The following MACF1 variants were observed in gnomAD, a reference collection of about 807,000 sequenced individuals.
The protein encoded by MACF1 is microtubule actin crosslinking factor 1.
In MACF1, 193 loss-of-function variants were observed where a neutral mutation model predicts 854.8. The observed-to-expected ratio is 0.23, with a 90% CI of 0.20 to 0.25. The LOEUF is 0.25. MACF1 is among the 10% of genes least tolerant of loss of function. The pLI is 1.00. For missense variants in MACF1, 7,722 were observed against 8,929.1 expected (o/e 0.86, Z 5.45); for synonymous variants, 3,185 against 3,226.7 (o/e 0.99, Z 0.44).
chr1:39,422,656 A>G, intron 59 of MACF1, 74 bp from the exon 60 acceptor site: 1 of 1,553,426 alleles, frequency 6.4e-7, no homozygotes, highest in African/African-American at 1.4e-5. Flanking sequence ...ATCTATAATT[A>G]CTAAAAGAGG....
intron 2 of MACF1, among the ~76,000 whole-genome samples, chr1:39,134,658 T>A (rs1318505738): frequency 2.0e-5 from 3 of 152,142 alleles, no homozygotes; most frequent in Admixed American, 1.3e-4. Context: ...TCTTGCAGGG[T>A]TTTTGTAAAG....
At chr1:39,294,213 T>TA (rs1307329192) in intron 18 of MACF1, among the ~76,000 whole-genome samples, 1 of 152,230 alleles carries the variant, frequency 6.6e-6, no homozygotes, top group Admixed American at 6.5e-5. Flanking sequence ...TCTTCGTTTG[T>TA]AAAAATGGGA....
At chr1:39,097,153 A>G (rs1451803561) in intron 2 of MACF1, among the ~76,000 whole-genome samples, 12 of 152,010 alleles carry the variant, frequency 7.9e-5, no homozygotes, top group Admixed American at 7.9e-4. Flanking sequence ...CTGGGATTAC[A>G]GGTGTGAGCC....
intron 2 of MACF1, among the ~76,000 whole-genome samples, chr1:39,085,469 CAA>C (rs1641648149): frequency 6.6e-6 from 1 of 152,144 alleles, no homozygotes; most frequent in African/African-American, 2.4e-5. Context: ...TTGTGTCCCT[CAA>C]ATAATACAGC....
At position 39,370,016 on chromosome 1, in the gene MACF1, T is replaced by A. The variant is rs1174077104; in HGVS notation, c.12939-14T>A. The stretch of plus-strand genomic sequence containing the variant: ...AACTTAGTCTGGCAAGTAACAAAAC[T>A]GCTTCATTGACAGAGAGAAAGATGC... On this transcript the variant is annotated splice_polypyrimidine_tract_variant and intron_variant, in intron 50 of 100. Coordinates refer to ENST00000564288, the MANE Select transcript of MACF1 (RefSeq NM_001394062.1). The A allele has an allele frequency of 6.2e-7, 1 of 1,604,424 alleles. No individual in the cohort carries two copies. Among genetic ancestry groups the A allele is most frequent in the Admixed American group, 1.7e-5 (1 of 57,892 alleles).
chr1:39,204,900 A>C lies in MACF1; in HGVS notation c.-123A>C, dbSNP rs1644432713. ...AAGCTGCCAGGAAGTTTCTGACAAC[A>C]CTAAGCTCCGGCCTCTGCCTCTGCT... On this transcript the variant is annotated 5_prime_UTR_variant, in exon 1 of 101. Coordinates refer to ENST00000564288, the MANE Select transcript of MACF1 (RefSeq NM_001394062.1). The C allele has an allele frequency of 1.6e-6, 1 of 627,754 alleles. No individual in the cohort carries two copies. Among genetic ancestry groups the C allele is most frequent in the African/African-American group, 1.8e-5 (1 of 54,700 alleles). The allele number at this position is 627,754 out of a possible 1,614,324, so 38.9% of individuals were successfully genotyped here.
chr1:39,445,746 A>G (rs2148670872), intron 80 of MACF1, among the ~76,000 whole-genome samples: 1 of 152,198 alleles, frequency 6.6e-6, no homozygotes, highest in Non-Finnish European at 1.5e-5. Context: ...ATTGCTTAAC[A>G]CCAGGAGTTT....
intron 52 of MACF1, 80 bp downstream of exon 52, chr1:39,372,676 T>TA (rs1238997236): frequency 2.2e-6 from 2 of 921,744 alleles, no homozygotes; most frequent in Non-Finnish European, 3.5e-6. Flanking sequence ...CTTATATAAT[T>TA]AAAGTGAAAA....
chr1:39,232,763 T>TG (rs1207845113), intron 2 of MACF1, among the ~76,000 whole-genome samples: 8 of 147,200 alleles, frequency 5.4e-5, no homozygotes, highest in Non-Finnish European at 1.2e-4. Context: ...TTTTTTTTTT[T>TG]TTTTTGTTTG....
chr1:39,098,400 T>C (rs968238613), intron 2 of MACF1, among the ~76,000 whole-genome samples: 9 of 152,350 alleles, frequency 5.9e-5, no homozygotes, highest in Admixed American at 3.9e-4. Flanking sequence ...TGGTGCTAGC[T>C]CTGCCTAGGG....
intron 22 of MACF1, among the ~76,000 whole-genome samples, chr1:39,301,129 A>T (rs909758097): frequency 6.6e-6 from 1 of 151,966 alleles, no homozygotes; most frequent in East Asian, 1.9e-4. Flanking sequence ...AATTTTATTT[A>T]TTTATTTATT....
At chr1:39,272,364 A>G (rs1255645612) in intron 6 of MACF1, among the ~76,000 whole-genome samples, 1 of 152,210 alleles carries the variant, frequency 6.6e-6, no homozygotes, top group Non-Finnish European at 1.5e-5. Context: ...AGGGCAACGC[A>G]TACTGAAACC....
chr1:39,298,557 T>G, intron 21 of MACF1: 1 of 359,258 alleles, frequency 2.8e-6, no homozygotes, highest in Non-Finnish European at 5.4e-6. Context: ...TAGAAAAGTC[T>G]GAATAAGAGA....
At chr1:39,222,607 A>G (rs1644666465) in intron 1 of MACF1, among the ~76,000 whole-genome samples, 1 of 152,130 alleles carries the variant, frequency 6.6e-6, no homozygotes, top group Non-Finnish European at 1.5e-5. Flanking sequence ...AATCAACTCT[A>G]TGCTTGTGCT....
At chr1:39,477,044 T>G in intron 97 of MACF1, among the ~76,000 whole-genome samples, 1 of 63,904 alleles carries the variant, frequency 1.6e-5, no homozygotes, top group African/African-American at 6.6e-5. Flanking sequence ...ATACACTTAG[T>G]GTATATATAT....
chr1:39,118,740 AG>A (rs1642608193), intron 2 of MACF1, among the ~76,000 whole-genome samples: 1 of 152,102 alleles, frequency 6.6e-6, no homozygotes, highest in Non-Finnish European at 1.5e-5. Context: ...CTGTGGTAAG[AG>A]GAAATAGGTT....
In MACF1 at chr1:39,452,153, T is replaced by A; in HGVS notation, c.20419-3T>A. On this transcript the variant is annotated splice_polypyrimidine_tract_variant and splice_region_variant and intron_variant, in intron 85 of 100. Transcript: ENST00000564288. ...AAACAAATTCTCCTATTTTCTTTTC[T>A]AGGTTTTCCAGAAGGAACTGGGAAA... 2 of 1,583,606 alleles carry A rather than the reference T, an allele frequency of 1.3e-6. No homozygotes were observed. Among genetic ancestry groups the A allele is most frequent in the Non-Finnish European group, 1.7e-6 (2 of 1,165,556 alleles).
Position 39,388,120 on chromosome 1 carries a change from C to G in MACF1, c.15278C>G (p.Ala5093Gly). Reference protein sequence around the residue: ...GSDASQLLHQAEVAQQEFLEV... With the variant: ...GSDASQLLHQGEVAQQEFLEV... ...GATGCTTCTCAACTTCTCCACCAAG[C>G]TGAGGTCGCCCAGCAAGAGTTCCTC... The change falls in exon 58 of 101, where the codon GCT becomes GGT. Residue 5093 changes from alanine (A) to glycine (G), a missense_variant. By Grantham distance (60) the Ala-to-Gly change is moderately conservative. Coordinates refer to ENST00000564288, the MANE Select transcript of MACF1 (RefSeq NM_001394062.1). 4 of 1,614,134 alleles carry G rather than the reference C, an allele frequency of 2.5e-6. No individual in the cohort carries two copies. Among genetic ancestry groups the G allele is most frequent in the Non-Finnish European group, 3.4e-6 (4 of 1,180,034 alleles).
At chr1:39,145,278 C>T (rs1302835471) in intron 2 of MACF1, among the ~76,000 whole-genome samples, 1 of 152,182 alleles carries the variant, frequency 6.6e-6, no homozygotes, top group African/African-American at 2.4e-5. Flanking sequence ...TGTTGCTCCA[C>T]CCCACCTTAT....
Sources: allele counts gnomAD v4.1 joint callset (sites outside exome capture counted in the v4.1 genomes callset), GRCh38; gene constraint gnomAD v4.1.1; transcripts MANE v1.5; gene names NCBI Gene and HGNC (gene_info 2026-07-23, HGNC 2026-07-21).